The following PHF12 variants were observed in gnomAD, a reference collection of about 807,000 sequenced individuals.
The protein encoded by PHF12 is PHD factor 1.
A neutral mutation model predicts 99.8 loss-of-function variants in PHF12; 6 were observed. The ratio of observed to expected loss-of-function variants is 0.06; its 90% CI spans 0.03 to 0.12. The LOEUF (loss-of-function observed/expected upper bound fraction) is 0.12. Ranked by LOEUF, PHF12 falls within the 10% of genes least tolerant of loss-of-function variation. The pLI, the probability that PHF12 is intolerant of heterozygous loss-of-function variation, is 1.00. For synonymous variants in PHF12, 480 were observed against 514.9 expected (o/e 0.93, Z 0.92); for missense variants, 954 against 1,300.1 (o/e 0.73, Z 4.09).
At chr17:28,930,627 C>T (rs2040381796) in intron 2 of PHF12, among the ~76,000 whole-genome samples, 1 of 152,220 alleles carries the variant, frequency 6.6e-6, no homozygotes, top group African/African-American at 2.4e-5. Flanking sequence ...ACCATCCCAC[C>T]TCTACTCATT....
chr17:28,906,198 G>A lies in PHF12; in HGVS notation c.3000C>T (p.Ser1000=). The A allele has an allele frequency of 6.3e-7, 1 of 1,595,174 alleles. No homozygotes were observed. The highest frequency in any genetic ancestry group is 8.6e-7 in the Non-Finnish European group (1 of 1,166,778). Reference sequence around the variant, plus strand: ...GCCGCCAGTCCTAAGGAACAGAGTTGGAGCGCAGCACAGGGCCCTGGTGGG... The same window carrying A: ...GCCGCCAGTCCTAAGGAACAGAGTTAGAGCGCAGCACAGGGCCCTGGTGGG... ...LKPHQGPVLR[S]NSVP The change falls in exon 15 of 15, where the codon TCC becomes TCT. Residue 1000 remains serine, a synonymous_variant. Coordinates refer to ENST00000332830, the MANE Select transcript of PHF12 (RefSeq NM_001033561.2). This position sits in a 1 kb window ranked among gnomAD's most constrained non-coding sequence, Gnocchi z 4.2.
rs763230092 is a variant in PHF12, at chr17:28,950,316, G to A, written c.67-70C>T. 2.2e-5 allele frequency: 33 copies of A among 1,493,074 alleles called. No individual in the cohort carries two copies. The South Asian group carries it at 3.4e-4, about 15-fold the overall frequency. The allele number at this position is 1,493,074 out of a possible 1,614,324, so 92.5% of individuals were successfully genotyped here. A position where few individuals can be genotyped will look rare whatever the true frequency, so the allele number is the denominator to read the frequency against. ...GGGCGGTCCGTCGCCCCCCCGGCGC[G>A]GTTTCTCCGTCACCCACCCCTCTCC... On this transcript the variant is annotated intron_variant, in intron 1 of 14. Coordinates refer to ENST00000332830, the MANE Select transcript of PHF12 (RefSeq NM_001033561.2). This position sits in a 1 kb window ranked among gnomAD's most constrained non-coding sequence, Gnocchi z 5.7.
In PHF12 at chr17:28,949,836, C is replaced by T. The variant is rs571590786; in HGVS notation, c.248+229G>A. ...TTCCAATCCCATATGGGGTTCTCTT[C>T]ACTCGTCCCAACCCCCACCTCGGGG... On this transcript the variant is annotated intron_variant, in intron 2 of 14. Transcript: ENST00000332830. This position sits in a 1 kb window ranked among gnomAD's most constrained non-coding sequence, Gnocchi z 4.6. 1.8e-4 allele frequency: 94 copies of T among 522,462 alleles called. No individual in the cohort carries two copies. Among genetic ancestry groups the T allele is most frequent in the South Asian group, 8.2e-4 (32 of 38,826 alleles). The allele number at this position is 522,462 out of a possible 1,614,324, so 32.4% of individuals were successfully genotyped here.
At chr17:28,916,388 G>T (rs902562668) in intron 7 of PHF12, among the ~76,000 whole-genome samples, 2 of 152,178 alleles carry the variant, frequency 1.3e-5, no homozygotes, top group Non-Finnish European at 2.9e-5. Flanking sequence ...CAGAGACGGG[G>T]TTTCACCACG....
At position 28,951,189 on chromosome 17, in the gene PHF12, T is replaced by C. The variant is rs1440050736; in HGVS notation, c.-229A>G. 1 of 1,407,454 alleles carries C rather than the reference T, an allele frequency of 7.1e-7. No individual in the cohort carries two copies. Among genetic ancestry groups the C allele is most frequent in the Non-Finnish European group, 9.2e-7 (1 of 1,084,164 alleles). The allele number at this position is 1,407,454 out of a possible 1,614,324, so 87.2% of individuals were successfully genotyped here. A position where few individuals can be genotyped will look rare whatever the true frequency, so the allele number is the denominator to read the frequency against. On this transcript the variant is annotated 5_prime_UTR_variant, in exon 1 of 15. Transcript: ENST00000332830. ...AGCGGCCCCTCAGTCCCGGCCCGGC[T>C]GCTGGCTGCACAGTGGGTCCCGGCT...
In PHF12 at chr17:28,951,267, G is replaced by A. The variant is rs566428301; in HGVS notation, c.-307C>T. The stretch of plus-strand genomic sequence containing the variant: ...GTCCCACAGGCTAAAGCCGGCACTG[G>A]CGACAGCCGGTCCGGCCGGGAAGGC... On this transcript the variant is annotated 5_prime_UTR_variant, in exon 1 of 15. Transcript: ENST00000332830. 2.9e-4 allele frequency: 346 copies of A among 1,185,810 alleles called. No homozygotes were observed. The African/African-American group carries it at 5.1e-3, about 17-fold the overall frequency. The allele number at this position is 1,185,810 out of a possible 1,614,324, so 73.5% of individuals were successfully genotyped here. A position where few individuals can be genotyped will look rare whatever the true frequency, so the allele number is the denominator to read the frequency against.
chr17:28,912,666 G>A lies in PHF12; in HGVS notation c.1905C>T (p.Ile635=). ...PPSIPSSCAS[I]ENTSTLQRKT... ...TTCTTTGCAAAGTGCTGGTGTTCTC[G>A]ATGCTGGCACAAGAGCTGGGAATGG... is the stretch of plus-strand genomic sequence containing the variant. Residue 635 remains isoleucine, a synonymous_variant, in exon 9 of 15, where the codon ATC becomes ATT. Transcript: ENST00000332830. 2 of 1,614,236 alleles carry A rather than the reference G, an allele frequency of 1.2e-6. No homozygotes were observed. Among genetic ancestry groups the A allele is most frequent in the Non-Finnish European group, 8.5e-7 (1 of 1,180,044 alleles).
At chr17:28,946,172 C>A (rs2040719857) in intron 2 of PHF12, among the ~76,000 whole-genome samples, 1 of 152,152 alleles carries the variant, frequency 6.6e-6, no homozygotes, top group Non-Finnish European at 1.5e-5. Context: ...CATCTCTTTC[C>A]AATTCTCTAG....
chr17:28,919,347 C>T, intron 5 of PHF12, 72 bp from the exon 6 acceptor site: 4 of 1,465,214 alleles, frequency 2.7e-6, no homozygotes, highest in Non-Finnish European at 3.7e-6. Context: ...ACCTGTGGAA[C>T]AGCCTCCCCT....
chr17:28,915,487 G>A (rs1167778571), intron 7 of PHF12, among the ~76,000 whole-genome samples: 3 of 152,112 alleles, frequency 2.0e-5, no homozygotes, highest in Non-Finnish European at 4.4e-5. Context: ...TGGATATAAG[G>A]AGAAAGGCAT....
At chr17:28,947,035 G>A (rs1014896624) in intron 2 of PHF12, among the ~76,000 whole-genome samples, 1 of 151,972 alleles carries the variant, frequency 6.6e-6, no homozygotes, top group African/African-American at 2.4e-5. Flanking sequence ...CTAGGCTGGG[G>A]TGCAGTAGTG....
In PHF12 at chr17:28,910,258, T is replaced by C. The variant is rs1277308961; in HGVS notation, c.2327A>G (p.His776Arg). The change falls in exon 11 of 15, where the codon CAT (histidine) becomes CGT (arginine). Residue 776 changes from histidine to arginine, a missense_variant. Physicochemically the swap from His to Arg is conservative, Grantham distance 29. Transcript: ENST00000332830. ...VQPSPGSVGT[H>R]QLASGGHHIE... ...GTGGTGCCCTCCAGAAGCCAGCTGA[T>C]GTGTCCCGACACTGCCCGGTGAAGG... 3 of 1,614,094 alleles carry C rather than the reference T, an allele frequency of 1.9e-6. No individual in the cohort carries two copies. The highest frequency in any genetic ancestry group is 2.7e-5 in the African/African-American group (2 of 74,932).
chr17:28,933,499 T>C (rs985885704), intron 2 of PHF12, among the ~76,000 whole-genome samples: 2 of 152,204 alleles, frequency 1.3e-5, no homozygotes, highest in African/African-American at 2.4e-5. Flanking sequence ...CTATTTTTGT[T>C]GTTGTTGTTT....
intron 3 of PHF12, 118 bp downstream of exon 3, chr17:28,926,873 G>T: frequency 6.4e-7 from 1 of 1,572,384 alleles, no homozygotes. Flanking sequence ...TGATTCCAGG[G>T]CTGGAAGAGA....
intron 4 of PHF12, among the ~76,000 whole-genome samples, chr17:28,923,407 C>T (rs2040201376): frequency 6.6e-6 from 1 of 151,120 alleles, no homozygotes; most frequent in Non-Finnish European, 1.5e-5. Flanking sequence ...CCTGTAATCC[C>T]AGCACTTCGG....
Position 28,906,974 on chromosome 17 carries a change from C to A in PHF12, c.2562G>T (p.Leu854=). 6.2e-7 allele frequency: 1 copy of A among 1,611,520 alleles called. No homozygotes were observed. Among genetic ancestry groups the A allele is most frequent in the Non-Finnish European group, 8.5e-7 (1 of 1,178,744 alleles). Reference sequence around the variant, plus strand: ...TTGTCCCATGCTCACTGTAGTTTAACAGCTCATAATGTTTGGTATTCTGAG... The same window carrying A: ...TTGTCCCATGCTCACTGTAGTTTAAAAGCTCATAATGTTTGGTATTCTGAG... ...FYDENTKHYE[L]LNYSEHGTTV... is the part of the protein sequence containing the mutation. Residue 854 remains leucine (L), a synonymous_variant, in exon 14 of 15, where the codon CTG becomes CTT. Coordinates refer to ENST00000332830, the MANE Select transcript of PHF12 (RefSeq NM_001033561.2). This position sits in a 1 kb window ranked among gnomAD's most constrained non-coding sequence, Gnocchi z 4.2.
chr17:28,947,770 T>TA (rs1290718379), intron 2 of PHF12, among the ~76,000 whole-genome samples: 2 of 152,064 alleles, frequency 1.3e-5, no homozygotes, highest in Admixed American at 1.3e-4. Context: ...ATAACTCAGA[T>TA]AAGTCAATGG....
intron 2 of PHF12, among the ~76,000 whole-genome samples, chr17:28,932,895 G>A (rs931726441): frequency 2.6e-5 from 4 of 152,132 alleles, no homozygotes; most frequent in Non-Finnish European, 2.9e-5. Flanking sequence ...GCAGTGAGCC[G>A]AGACCGCATC....
chr17:28,921,356 A>G (rs916442160), intron 5 of PHF12, among the ~76,000 whole-genome samples: 2 of 151,896 alleles, frequency 1.3e-5, no homozygotes, highest in African/African-American at 4.8e-5. Context: ...TTGTAGAGAC[A>G]AGGTTTCACT....
Sources: gnomAD v4.1 joint callset for allele counts (sites outside exome capture counted in the v4.1 genomes callset) on GRCh38, gnomAD v4.1.1 for gene constraint, Gnocchi (gnomAD v3.1) non-coding constraint, MANE v1.5 for transcripts, NCBI Gene and HGNC (gene_info 2026-07-23, HGNC 2026-07-21) for gene names.